Variants in AP1G1 observed in about 807,000 individuals in gnomAD.
The protein encoded by AP1G1 is adaptor related protein complex 1 subunit gamma 1, also known as AP-1 complex subunit gamma-1.
Under a neutral mutation model 108.3 loss-of-function variants are expected in AP1G1, and 7 were observed. The observed-to-expected ratio is 0.06, with a 90% CI of 0.04 to 0.12. The LOEUF (loss-of-function observed/expected upper bound fraction) is 0.12. Among genes scored for constraint, AP1G1 ranks in the 10% least tolerant of loss-of-function variants. AP1G1 has a pLI of 1.00. For synonymous variants in AP1G1, 379 were observed against 353.5 expected (o/e 1.07, Z -0.81); for missense variants, 756 against 1,010.7 (o/e 0.75, Z 3.42).
At position 71,731,869 on chromosome 16, in the gene AP1G1, A is replaced by C. The variant is rs1342146268; in HGVS notation, c.*1189T>G. 1 of 152,648 alleles carries C rather than the reference A, an allele frequency of 6.6e-6. No homozygotes were observed. 9.5% of individuals were successfully genotyped at this position (152,648 alleles called of 1,614,324 possible). On this transcript the variant is annotated 3_prime_UTR_variant, in exon 23 of 23. Transcript: ENST00000299980. ...CTTCACTCCAACACCATAAAGTACA[A>C]TATGGAAAGATTTCTTTAACCGTGT... is the stretch of plus-strand genomic sequence containing the variant.
chr16:71,761,767 A>G (rs867274254), intron 9 of AP1G1, among the ~76,000 whole-genome samples, 200 bp from the exon 10 acceptor site: 1 of 149,996 alleles, frequency 6.7e-6, no homozygotes, highest in South Asian at 2.1e-4. Flanking sequence ...CAGTGAGTCA[A>G]GATCATACCA....
chr16:71,808,743 G>C lies in AP1G1; in HGVS notation c.-4+20C>G. The C allele has an allele frequency of 7.8e-7, 1 of 1,288,820 alleles. No individual in the cohort carries two copies. Among genetic ancestry groups the C allele is most frequent in the Non-Finnish European group, 1.0e-6 (1 of 988,146 alleles). 79.8% of individuals were successfully genotyped at this position (1,288,820 alleles called of 1,614,324 possible). A position where few individuals can be genotyped will look rare whatever the true frequency, so the allele number is the denominator to read the frequency against. On this transcript the variant is annotated intron_variant, in intron 1 of 22. Transcript: ENST00000299980. Reference sequence around the variant, plus strand: ...GGGCAAAAGCAGCAATATGCTCTCAGCGCCGGGAGTGACACTCACCGGCCC... The same window carrying C: ...GGGCAAAAGCAGCAATATGCTCTCACCGCCGGGAGTGACACTCACCGGCCC...
At chr16:71,806,017 A>G (rs907666905) in intron 1 of AP1G1, among the ~76,000 whole-genome samples, 9 of 127,152 alleles carry the variant, frequency 7.1e-5, no homozygotes, top group African/African-American at 2.7e-4. Context: ...CCCTGTCTCA[A>G]ACAATAAAAA....
chr16:71,774,981 A>C (rs1011477722), intron 2 of AP1G1, among the ~76,000 whole-genome samples: 4 of 147,338 alleles, frequency 2.7e-5, no homozygotes, highest in African/African-American at 1.0e-4. Context: ...TTGGCCTCCC[A>C]AAGTGCTGGG....
At chr16:71,749,780 C>A in intron 15 of AP1G1, 114 bp downstream of exon 15, 1 of 846,396 alleles carries the variant, frequency 1.2e-6, no homozygotes, top group Non-Finnish European at 2.0e-6. Context: ...CATGAGCCAC[C>A]ACGCCTGGCC....
At position 71,746,568 on chromosome 16, in the gene AP1G1, G is replaced by A; in HGVS notation, c.1730+20C>T. 6.8e-7 allele frequency: 1 copy of A among 1,460,116 alleles called. No homozygotes were observed. The highest frequency in any genetic ancestry group is 9.5e-7 in the Non-Finnish European group (1 of 1,048,704). The allele number at this position is 1,460,116 out of a possible 1,614,324, so 90.4% of individuals were successfully genotyped here. A position where few individuals can be genotyped will look rare whatever the true frequency, so the allele number is the denominator to read the frequency against. On this transcript the variant is annotated intron_variant, in intron 17 of 22. Coordinates refer to ENST00000299980, the MANE Select transcript of AP1G1 (RefSeq NM_001128.6). ...CAGGATGCTAAGAGATACACGCATT[G>A]CTTAGTTTCTTTCGCTCACCTCATG... is the stretch of plus-strand genomic sequence containing the variant.
chr16:71,734,420 C>T (rs2045507707), intron 22 of AP1G1, among the ~76,000 whole-genome samples, 189 bp downstream of exon 22: 1 of 152,074 alleles, frequency 6.6e-6, no homozygotes, highest in Non-Finnish European at 1.5e-5. Context: ...AATAAGATGC[C>T]ACTAAGCCAC....
At chr16:71,774,313 T>G in intron 3 of AP1G1, 155 bp downstream of exon 3, 1 of 708,294 alleles carries the variant, frequency 1.4e-6, no homozygotes, top group Non-Finnish European at 2.2e-6. Flanking sequence ...GACTGGCAGT[T>G]GGGGGAGGAC....
intron 2 of AP1G1, among the ~76,000 whole-genome samples, chr16:71,778,495 C>G (rs1323205525): frequency 1.3e-5 from 2 of 152,038 alleles, no homozygotes; most frequent in Admixed American, 1.3e-4. Flanking sequence ...CCAGCCTGCG[C>G]AACACGGTGA....
chr16:71,806,796 A>G, intron 1 of AP1G1: 1 of 1,024,128 alleles, frequency 9.8e-7, no homozygotes, highest in Non-Finnish European at 1.3e-6. Context: ...AATAGTAACT[A>G]ATATATTTTT....
chr16:71,776,731 C>T (rs1274495082), intron 2 of AP1G1, among the ~76,000 whole-genome samples: 16 of 152,130 alleles, frequency 1.1e-4, no homozygotes, highest in Admixed American at 1.0e-3. Flanking sequence ...TACTCTTAGG[C>T]ATTAATACTA....
At chr16:71,750,696 G>A (rs1291747419) in intron 13 of AP1G1, among the ~76,000 whole-genome samples, 1 of 151,838 alleles carries the variant, frequency 6.6e-6, no homozygotes, top group Non-Finnish European at 1.5e-5. Context: ...GATTACAGGC[G>A]TGTGCCACTG....
At chr16:71,769,866 T>C (rs1473442435) in intron 5 of AP1G1, among the ~76,000 whole-genome samples, 167 bp from the exon 6 acceptor site, 2 of 152,228 alleles carry the variant, frequency 1.3e-5, no homozygotes, top group African/African-American at 4.8e-5. Context: ...AAGAACTTAA[T>C]AGATGCCTGA....
chr16:71,783,331 G>A (rs1308158516), intron 2 of AP1G1, among the ~76,000 whole-genome samples: 6 of 152,072 alleles, frequency 3.9e-5, no homozygotes, highest in East Asian at 3.9e-4. Flanking sequence ...AAACAATGAC[G>A]TCCACAGAGA....
chr16:71,756,235 G>T, intron 11 of AP1G1, 76 bp from the exon 12 acceptor site: 2 of 1,368,226 alleles, frequency 1.5e-6, no homozygotes, highest in African/African-American at 1.5e-5. Context: ...TATGCACTCT[G>T]TGAACACCAA....
At chr16:71,734,507 C>G in intron 22 of AP1G1, 102 bp downstream of exon 22, 1 of 955,118 alleles carries the variant, frequency 1.0e-6, no homozygotes, top group Non-Finnish European at 1.7e-6. Context: ...GATCTCTTCT[C>G]TAACTATGAG....
rs2045590443 is a variant in AP1G1, at chr16:71,739,462, A to G, written c.2000-121T>C. On this transcript the variant is annotated intron_variant, in intron 19 of 22. Transcript: ENST00000299980. ...AAAGATTCCTTAAACAAGATGCAAAAAGCATAGACCACAAAGAGAAAGAAC... is the reference window on the plus strand; with the variant it reads ...AAAGATTCCTTAAACAAGATGCAAAGAGCATAGACCACAAAGAGAAAGAAC... 4.2e-6 allele frequency: 3 copies of G among 720,016 alleles called. No individual in the cohort carries two copies. In the South Asian group the frequency reaches 6.7e-5, roughly 16 times the overall value. 44.6% of individuals were successfully genotyped at this position (720,016 alleles called of 1,614,324 possible). A position where few individuals can be genotyped will look rare whatever the true frequency, so the allele number is the denominator to read the frequency against.
At chr16:71,804,873 C>T (rs550444440) in intron 1 of AP1G1, among the ~76,000 whole-genome samples, 2 of 151,940 alleles carry the variant, frequency 1.3e-5, no homozygotes, top group African/African-American at 2.4e-5. Flanking sequence ...ATAAATCAGG[C>T]GGCACATGCC....
chr16:71,794,660 CAAACT>C (rs1273864503), intron 1 of AP1G1, among the ~76,000 whole-genome samples: 1 of 151,408 alleles, frequency 6.6e-6, no homozygotes, highest in South Asian at 2.1e-4. Context: ...AAATTATAAA[CAAACT>C]AAAGGAAAAA....
Sources: gnomAD v4.1 joint callset for allele counts (sites outside exome capture counted in the v4.1 genomes callset) on GRCh38, gnomAD v4.1.1 for gene constraint, MANE v1.5 for transcripts, NCBI Gene and HGNC (gene_info 2026-07-23, HGNC 2026-07-21) for gene names.